TENM2: variants seen among roughly 807,000 people sequenced by gnomAD.
TENM2 encodes teneurin transmembrane protein 2.
TENM2 carries 52 observed loss-of-function variants against 245.2 expected under a neutral mutation model. The ratio of observed to expected loss-of-function variants is 0.21; its 90% CI spans 0.17 to 0.27. The LOEUF is 0.27. TENM2 is among the 10% of genes least tolerant of loss of function. The pLI, the probability that TENM2 is intolerant of heterozygous loss-of-function variation, is 1.00. For missense variants in TENM2, 3,046 were observed against 3,666.8 expected (o/e 0.83, Z 4.37); for synonymous variants, 1,363 against 1,438.9 (o/e 0.95, Z 1.19).
chr5:167,082,100 G>A, the TENM2 span, among the ~76,000 whole-genome samples: 2 of 152,072 alleles, frequency 1.3e-5, no homozygotes, highest in East Asian at 3.9e-4. Context: ...GTGTGAAAGT[G>A]CTTACAACAA....
At chr5:168,116,840 T>C (rs1012975744) in intron 9 of TENM2, among the ~76,000 whole-genome samples, 10 of 152,012 alleles carry the variant, frequency 6.6e-5, no homozygotes, top group Admixed American at 1.3e-4. Flanking sequence ...CACAGGGCGC[T>C]CACCCGGGTT....
At chr5:168,030,770 C>G (rs1478068117) in intron 5 of TENM2, among the ~76,000 whole-genome samples, 1 of 152,094 alleles carries the variant, frequency 6.6e-6, no homozygotes. Context: ...ATGTAAATAC[C>G]CTGAATTTTC....
chr5:168,054,434 G>C (rs1255734844), intron 6 of TENM2, among the ~76,000 whole-genome samples: 1 of 152,186 alleles, frequency 6.6e-6, no homozygotes, highest in Non-Finnish European at 1.5e-5. Flanking sequence ...ATGGAAACGA[G>C]GTGTAATGAC....
intron 2 of TENM2, among the ~76,000 whole-genome samples, chr5:167,380,816 AG>A (rs1403196380): frequency 6.6e-6 from 1 of 152,156 alleles, no homozygotes; most frequent in African/African-American, 2.4e-5. Context: ...TAAAATGGTA[AG>A]AAGCAAAATG....
At chr5:167,610,016 C>A (rs771438553) in intron 2 of TENM2, among the ~76,000 whole-genome samples, 6 of 152,044 alleles carry the variant, frequency 3.9e-5, no homozygotes, top group Non-Finnish European at 5.9e-5. Flanking sequence ...CACTTTTGAT[C>A]GGCTATAAAT....
chr5:167,101,329 A>G, the TENM2 span, among the ~76,000 whole-genome samples: 1 of 152,362 alleles, frequency 6.6e-6, no homozygotes, highest in Non-Finnish European at 1.5e-5. Flanking sequence ...CTGAGTAAAT[A>G]TTATGGAACA....
intron 2 of TENM2, among the ~76,000 whole-genome samples, chr5:167,792,705 G>T (rs1470204551): frequency 6.6e-6 from 1 of 151,588 alleles, no homozygotes; most frequent in Non-Finnish European, 1.5e-5. Flanking sequence ...ATCTGCATGG[G>T]GGTCTTACTG....
chr5:168,052,257 G>A (rs1474314429), intron 6 of TENM2, among the ~76,000 whole-genome samples: 1 of 151,858 alleles, frequency 6.6e-6, no homozygotes, highest in Non-Finnish European at 1.5e-5. Flanking sequence ...CAGGCGGGGT[G>A]GTGGGTGCCT....
chr5:168,198,929 A>C, exon 16 of TENM2: 1 of 1,614,054 alleles, frequency 6.2e-7, no homozygotes, highest in Non-Finnish European at 8.5e-7. Context: ...CCAGGAGCGC[A>C]CTGTGTGGCT....
chr5:167,694,152 C>T (rs1757612181), intron 2 of TENM2, among the ~76,000 whole-genome samples: 1 of 152,192 alleles, frequency 6.6e-6, no homozygotes, highest in African/African-American at 2.4e-5. Flanking sequence ...TCTACCTCCT[C>T]TGCACTTATC....
intron 8 of TENM2, among the ~76,000 whole-genome samples, chr5:168,095,423 C>A (rs943541843): frequency 6.6e-6 from 1 of 152,176 alleles, no homozygotes; most frequent in Non-Finnish European, 1.5e-5. Flanking sequence ...TCCCTCAGCT[C>A]TTTGCTTGCT....
intron 2 of TENM2, among the ~76,000 whole-genome samples, chr5:167,798,084 C>A (rs1475445486): frequency 6.6e-6 from 1 of 152,190 alleles, no homozygotes; most frequent in Non-Finnish European, 1.5e-5. Flanking sequence ...TCCTGATAGT[C>A]CTCTTTACCG....
At chr5:168,145,406 C>G (rs1239007785) in intron 12 of TENM2, among the ~76,000 whole-genome samples, 25 of 134,720 alleles carry the variant, frequency 1.9e-4, no homozygotes, top group African/African-American at 7.0e-4. Flanking sequence ...TATGGCTAGC[C>G]AGTTTTCCCA....
intron 19 of TENM2, among the ~76,000 whole-genome samples, chr5:168,208,986 C>T (rs35996347): frequency 0.026 from 3,918 of 152,240 alleles, 201 homozygotes; most frequent in East Asian, 0.25. Context: ...TCCTGTAACA[C>T]TTCCATGATA....
upstream of TENM2, among the ~76,000 whole-genome samples, chr5:167,282,098 T>G (rs1033688064): frequency 6.6e-6 from 1 of 151,502 alleles, no homozygotes; most frequent in Non-Finnish European, 1.5e-5. Flanking sequence ...TACATACACA[T>G]ATGCAGAAAG....
chr5:167,490,918 A>G (rs898485572), intron 2 of TENM2, among the ~76,000 whole-genome samples: 4 of 152,064 alleles, frequency 2.6e-5, no homozygotes, highest in African/African-American at 4.8e-5. Flanking sequence ...AGCTTTGACA[A>G]CTCTACGTTT....
the TENM2 span, among the ~76,000 whole-genome samples, chr5:167,148,016 A>C: frequency 1.3e-5 from 2 of 152,168 alleles, no homozygotes; most frequent in Admixed American, 6.6e-5. Flanking sequence ...ACTTATCTCT[A>C]GATTCCTATA....
intron 19 of TENM2, among the ~76,000 whole-genome samples, chr5:168,211,298 G>A (rs1239086774): frequency 1.3e-5 from 2 of 152,214 alleles, no homozygotes; most frequent in Non-Finnish European, 2.9e-5. Flanking sequence ...CCCACACTCA[G>A]AGGGGACATT....
chr5:167,761,609 T>G (rs1582939590), intron 2 of TENM2, among the ~76,000 whole-genome samples: 1 of 152,244 alleles, frequency 6.6e-6, no homozygotes, highest in South Asian at 2.1e-4. Context: ...GTTTTAGTTT[T>G]GAATTATTAA....
Sources: allele counts gnomAD v4.1 joint callset (sites outside exome capture counted in the v4.1 genomes callset), GRCh38; gene constraint gnomAD v4.1.1; transcripts MANE v1.5; gene names NCBI Gene and HGNC (gene_info 2026-07-23, HGNC 2026-07-21).